SPAG9: variants seen among roughly 807,000 people sequenced by gnomAD.
The protein encoded by SPAG9 is sperm associated antigen 9.
In SPAG9, 35 loss-of-function variants were observed where a neutral mutation model predicts 166.5. The ratio of observed to expected loss-of-function variants is 0.21; its 90% CI spans 0.16 to 0.28. The LOEUF is 0.28. Among genes scored for constraint, SPAG9 ranks in the 10% least tolerant of loss-of-function variants. The probability of loss-of-function intolerance (pLI) is 1.00; values close to 1 mark genes in which losing one functional copy is unlikely to be tolerated. For missense variants in SPAG9, 1,235 were observed against 1,603.3 expected, an observed-to-expected ratio of 0.77 and a Z score of 3.92; for synonymous variants, 534 against 565.5, an observed-to-expected ratio of 0.94 and a Z score of 0.79.
At chr17:51,070,412 C>T (rs898019565) in intron 2 of SPAG9, among the ~76,000 whole-genome samples, 2 of 152,154 alleles carry the variant, frequency 1.3e-5, no homozygotes, top group African/African-American at 2.4e-5. Context: ...AATGGCCAAA[C>T]TATTATATGC....
rs1568084007 is a variant in SPAG9, at chr17:51,095,994, TATATATATAGTGATATATATATATAGTG to T, written c.304-16318_304-16291del. On this transcript the variant is annotated intron_variant, in intron 1 of 29. Transcript: ENST00000262013. ...ATAGTGATATATATATATATAGTGA[TATATATATAGTGATATATATATATAGTG>T]ATATATATATATAGTGATATATATA... is the stretch of plus-strand genomic sequence containing the variant. 5.4e-4 allele frequency among the ~76,000 whole-genome samples: 69 copies of T among 127,874 alleles called. 3 individuals are homozygous for T. The highest frequency in any genetic ancestry group is 3.6e-3 in the East Asian group (17 of 4,728). 83.9% of individuals were successfully genotyped at this position (127,874 alleles called of 152,430 possible).
rs1174922379 is a variant in SPAG9 at position 51,080,263 on chromosome 17, A to G, written c.304-559T>C. 2.6e-5 allele frequency among the ~76,000 whole-genome samples: 4 copies of G among 151,978 alleles called. No homozygotes were observed. The East Asian group carries it at 7.7e-4, about 29-fold the overall frequency. On this transcript the variant is annotated intron_variant, in intron 1 of 29. Coordinates refer to ENST00000262013, the MANE Select transcript of SPAG9 (RefSeq NM_001130528.3). ...CTTCATCTTGATTGTTGTATCAGCA[A>G]CATCTGACAAGTGATCCGCTCTCCT...
intron 1 of SPAG9, among the ~76,000 whole-genome samples, chr17:51,101,280 A>G (rs1261925920): frequency 1.4e-5 from 2 of 144,300 alleles, no homozygotes; most frequent in African/African-American, 2.6e-5. Flanking sequence ...CAGGAGGCAG[A>G]GGTTACAGTG....
Position 50,985,732 on chromosome 17 carries a change from A to G in SPAG9, c.2986T>C (p.Ser996Pro). Residue 996 changes from serine (S) to proline (P), a missense_variant, in exon 23 of 30, where the codon TCC becomes CCC. Around this residue, in one of 6 missense-constraint regions of SPAG9, gnomAD observed 493 missense variants for 559.4 expected, o/e 0.88. Transcript: ENST00000262013. Reference protein sequence around the residue: ...SVAQWRKCLHSIKLKDSILSI... With the variant: ...SVAQWRKCLHPIKLKDSILSI... ...AGAATCGAATCTTTAAGTTTAATGG[A>G]ATGGAGACATTTCCTCCACTGGGCT... 1 of 1,608,598 alleles carries G rather than the reference A, an allele frequency of 6.2e-7. No homozygotes were observed. Among genetic ancestry groups the G allele is most frequent in the Non-Finnish European group, 8.5e-7 (1 of 1,175,722 alleles).
At chr17:51,102,346 G>A (rs550097075) in intron 1 of SPAG9, among the ~76,000 whole-genome samples, 1 of 151,150 alleles carries the variant, frequency 6.6e-6, no homozygotes, top group Admixed American at 6.6e-5. Flanking sequence ...AGAGGTTACA[G>A]TGAGCCAAGA....
intron 2 of SPAG9, 63 bp from the exon 3 acceptor site, chr17:51,056,545 G>T: frequency 9.6e-7 from 1 of 1,040,940 alleles, no homozygotes; most frequent in Non-Finnish European, 1.5e-6. Context: ...AAAAGTACAT[G>T]TTAGACTCAG....
At position 51,053,854 on chromosome 17, in the gene SPAG9, A is replaced by ATATAT. The variant is rs1491529465; in HGVS notation, c.495+2557_495+2558insATATA. 3.5e-3 allele frequency among the ~76,000 whole-genome samples: 122 copies of ATATAT among 34,416 alleles called. 1 individual carries two copies. The highest frequency in any genetic ancestry group is 4.8e-3 in the Admixed American group (10 of 2,100). 22.6% of individuals were successfully genotyped at this position (34,416 alleles called of 152,430 possible). On this transcript the variant is annotated intron_variant, in intron 3 of 29. Transcript: ENST00000262013. ...CCCTAATTAAAAAAAAAAAAAAAAA[A>ATATAT]GTATATATATATATATATATATATA...
At chr17:51,043,102 C>T (rs181460906) in intron 4 of SPAG9, among the ~76,000 whole-genome samples, 1 of 152,224 alleles carries the variant, frequency 6.6e-6, no homozygotes, top group Admixed American at 6.5e-5. Flanking sequence ...GTTGGCCAGG[C>T]TGGTCTTGAA....
At chr17:50,987,568 A>G (rs1975152454) in intron 21 of SPAG9, among the ~76,000 whole-genome samples, 1 of 152,164 alleles carries the variant, frequency 6.6e-6, no homozygotes, top group Non-Finnish European at 1.5e-5. Flanking sequence ...CAAAGTCAAA[A>G]GCTTACATCA....
intron 4 of SPAG9, among the ~76,000 whole-genome samples, chr17:51,042,323 C>G (rs1346489883): frequency 6.6e-6 from 1 of 151,986 alleles, no homozygotes; most frequent in East Asian, 1.9e-4. Context: ...ACTGAATTTC[C>G]AATGCTTTGT....
At chr17:51,033,494 G>A (rs1267478597) in intron 5 of SPAG9, among the ~76,000 whole-genome samples, 1 of 152,128 alleles carries the variant, frequency 6.6e-6, no homozygotes, top group Non-Finnish European at 1.5e-5. Context: ...ACATTCTTCA[G>A]TATTACTAAA....
intron 5 of SPAG9, among the ~76,000 whole-genome samples, chr17:51,039,320 C>T (rs912114738): frequency 5.9e-5 from 9 of 152,172 alleles, no homozygotes; most frequent in African/African-American, 2.2e-4. Flanking sequence ...ATACCTGTGG[C>T]ATAGCCCACA....
rs1370537158 is a variant in SPAG9, at chr17:50,966,228, T to C, written c.*44A>G. Reference sequence around the variant, plus strand: ...AAAAGGATAGAGGGAAAATAAACCATGCAGAAGAGACGGCTTCCCCATCTC... The same window carrying C: ...AAAAGGATAGAGGGAAAATAAACCACGCAGAAGAGACGGCTTCCCCATCTC... On this transcript the variant is annotated 3_prime_UTR_variant, in exon 30 of 30. Coordinates refer to ENST00000262013, the MANE Select transcript of SPAG9 (RefSeq NM_001130528.3). 8.8e-7 allele frequency: 1 copy of C among 1,133,594 alleles called. No homozygotes were observed. Among genetic ancestry groups the C allele is most frequent in the Non-Finnish European group, 1.3e-6 (1 of 741,872 alleles). The allele number at this position is 1,133,594 out of a possible 1,614,324, so 70.2% of individuals were successfully genotyped here.
In SPAG9 at chr17:50,998,022, A is replaced by ATTT. The variant is rs563896612; in HGVS notation, c.1838+419_1838+421dup. Among the ~76,000 whole-genome samples, 81 of 90,796 alleles carry ATTT rather than the reference A, an allele frequency of 8.9e-4. 5 individuals are homozygous for ATTT. The highest frequency in any genetic ancestry group is 2.9e-3 in the African/African-American group (69 of 23,436). 59.6% of individuals were successfully genotyped at this position (90,796 alleles called of 152,430 possible). On this transcript the variant is annotated intron_variant, in intron 15 of 29. Coordinates refer to ENST00000262013, the MANE Select transcript of SPAG9 (RefSeq NM_001130528.3). ...TAAAGACAGCCAAGTTACAGAAATG[A>ATTT]TTTTTTTTTTTTTTTTTTTTTTTTT... is the stretch of plus-strand genomic sequence containing the variant.
chr17:51,065,229 C>A (rs1246333482), intron 2 of SPAG9, among the ~76,000 whole-genome samples: 2 of 152,062 alleles, frequency 1.3e-5, no homozygotes, highest in African/African-American at 4.8e-5. Context: ...GACAGGGTCT[C>A]GCTATTTTGC....
intron 3 of SPAG9, among the ~76,000 whole-genome samples, chr17:51,050,916 A>T (rs2047161092): frequency 6.6e-6 from 1 of 151,910 alleles, no homozygotes; most frequent in African/African-American, 2.4e-5. Context: ...TCAATTCAGC[A>T]ATAAACAACT....
At chr17:50,981,352 G>T (rs1271641837) in intron 25 of SPAG9, among the ~76,000 whole-genome samples, 2 of 151,906 alleles carry the variant, frequency 1.3e-5, no homozygotes, top group Non-Finnish European at 2.9e-5. Flanking sequence ...AACACTTCTG[G>T]TCTCAAGCAT....
chr17:51,000,383 C>T (rs762643320), intron 13 of SPAG9, among the ~76,000 whole-genome samples: 1 of 152,132 alleles, frequency 6.6e-6, no homozygotes, highest in Non-Finnish European at 1.5e-5. Flanking sequence ...AAGTAAGCTA[C>T]TATTTCCTTT....
chr17:51,080,434 T>G (rs1172468770), intron 1 of SPAG9, among the ~76,000 whole-genome samples: 1 of 152,164 alleles, frequency 6.6e-6, no homozygotes, highest in Non-Finnish European at 1.5e-5. Flanking sequence ...CTTCTCTTCC[T>G]TGTTTACACT....
Sources: gnomAD v4.1 joint callset for allele counts (sites outside exome capture counted in the v4.1 genomes callset) on GRCh38, gnomAD v4.1.1 for gene constraint, gnomAD v4.1.1 regional missense constraint, MANE v1.5 for transcripts, NCBI Gene and HGNC (gene_info 2026-07-23, HGNC 2026-07-21) for gene names.